Variants in TDRD9 observed in about 807,000 individuals in gnomAD.
TDRD9 encodes tudor domain containing 9, also known as ATP-dependent RNA helicase TDRD9.
TDRD9 carries 124 observed loss-of-function variants against 172.6 expected under a neutral mutation model. The observed-to-expected ratio is 0.72, with a 90% CI of 0.62 to 0.83. TDRD9 has a LOEUF of 0.83. Ranked by LOEUF, TDRD9 falls within the 40% of genes least tolerant of loss-of-function variation. The probability of loss-of-function intolerance (pLI) is 0.00; values close to 1 mark genes in which losing one functional copy is unlikely to be tolerated. For missense variants in TDRD9, 1,479 were observed against 1,714.1 expected, an observed-to-expected ratio of 0.86 and a Z score of 2.42; for synonymous variants, 619 against 617.1, an observed-to-expected ratio of 1.00 and a Z score of -0.05.
At chr14:104,038,371 T>G (rs1458123227) in intron 32 of TDRD9, among the ~76,000 whole-genome samples, 1 of 152,232 alleles carries the variant, frequency 6.6e-6, no homozygotes, top group African/African-American at 2.4e-5. Context: ...CTACTGTGGC[T>G]AAAAACAAGC....
chr14:103,954,777 T>C (rs1195348726), intron 1 of TDRD9, among the ~76,000 whole-genome samples: 1 of 151,858 alleles, frequency 6.6e-6, no homozygotes, highest in Non-Finnish European at 1.5e-5. Flanking sequence ...TACAGGGACC[T>C]GCCACCACAC....
At chr14:103,952,019 C>T (rs78458189) in intron 1 of TDRD9, among the ~76,000 whole-genome samples, 2 of 150,724 alleles carry the variant, frequency 1.3e-5, no homozygotes, top group Non-Finnish European at 3.0e-5. Flanking sequence ...CCGCCCGCCT[C>T]GGCCTCCCAA....
In TDRD9 at chr14:103,995,751, T is replaced by G; in HGVS notation, c.1322T>G (p.Ile441Ser). The G allele has an allele frequency of 6.2e-7, 1 of 1,603,684 alleles. No individual in the cohort carries two copies. Among genetic ancestry groups the G allele is most frequent in the South Asian group, 1.1e-5 (1 of 88,578 alleles). ...GCTTTTTTCTTTGATGTTTAACAGATTATTCTGTCCACCAATATTGCAGAG... is the reference window on the plus strand; with the variant it reads ...GCTTTTTTCTTTGATGTTTAACAGAGTATTCTGTCCACCAATATTGCAGAG... ...FLSPVPGYRK[I>S]ILSTNIAESS... The change falls in exon 12 of 36, where the codon ATT becomes AGT. Residue 441 changes from isoleucine to serine, a missense_variant and splice_region_variant. By Grantham distance (142) the Ile-to-Ser change is moderately radical. Coordinates refer to ENST00000409874, the MANE Select transcript of TDRD9 (RefSeq NM_153046.3).
At chr14:104,005,220 G>A in intron 14 of TDRD9, 54 bp from the exon 15 acceptor site, 6 of 1,592,482 alleles carry the variant, frequency 3.8e-6, no homozygotes, top group Non-Finnish European at 5.2e-6. Context: ...ATGTGAATCG[G>A]CTAACTGATT....
chr14:104,027,816 TTTTG>T (rs1038435159), intron 28 of TDRD9, among the ~76,000 whole-genome samples: 3 of 152,212 alleles, frequency 2.0e-5, no homozygotes, highest in African/African-American at 4.8e-5. Flanking sequence ...CTAGCTGTAA[TTTTG>T]TTTGTTAACC....
chr14:104,044,483 C>G (rs570687716), intron 34 of TDRD9, among the ~76,000 whole-genome samples: 2 of 152,314 alleles, frequency 1.3e-5, no homozygotes, highest in East Asian at 3.9e-4. Flanking sequence ...TGTTCCCACC[C>G]CAGCCCAGGT....
In TDRD9 at chr14:103,998,789, TG is replaced by T; in HGVS notation, c.1483+62del. 3.5e-6 allele frequency: 3 copies of T among 846,594 alleles called. No homozygotes were observed. The South Asian group carries it at 4.6e-5, about 13-fold the overall frequency. The allele number at this position is 846,594 out of a possible 1,614,324, so 52.4% of individuals were successfully genotyped here. A position where few individuals can be genotyped will look rare whatever the true frequency, so the allele number is the denominator to read the frequency against. ...TTGGTGACACAGTGGCACATTCAGG[TG>T]CTTTTTTTTTTTTTTTCTCTGAGAC... On this transcript the variant is annotated intron_variant, in intron 13 of 35. Coordinates refer to ENST00000409874, the MANE Select transcript of TDRD9 (RefSeq NM_153046.3).
At chr14:104,028,420 AT>A (rs1480900279) in intron 28 of TDRD9, among the ~76,000 whole-genome samples, 1 of 152,084 alleles carries the variant, frequency 6.6e-6, no homozygotes, top group Non-Finnish European at 1.5e-5. Context: ...GATGGTTTTG[AT>A]TTGAATTTCC....
chr14:104,015,088 G>C (rs2034746216), intron 21 of TDRD9, among the ~76,000 whole-genome samples: 1 of 152,172 alleles, frequency 6.6e-6, no homozygotes, highest in Non-Finnish European at 1.5e-5. Flanking sequence ...AATGGATTCA[G>C]ACCCATTTCT....
intron 25 of TDRD9, 106 bp downstream of exon 25, chr14:104,024,786 ACACAG>A: frequency 2.3e-6 from 1 of 436,116 alleles, no homozygotes; most frequent in Non-Finnish European, 4.0e-6. Flanking sequence ...ACACACACAC[ACACAG>A]AACTTGTGCA....
chr14:103,969,365 A>G (rs533204070), intron 5 of TDRD9, among the ~76,000 whole-genome samples: 3 of 152,252 alleles, frequency 2.0e-5, no homozygotes, highest in Admixed American at 2.0e-4. Context: ...AGAGACTGCC[A>G]CAAGCTGAGG....
Position 103,976,254 on chromosome 14 carries a change from C to G in TDRD9, c.1011+701C>G, listed in dbSNP as rs150683867. On this transcript the variant is annotated intron_variant, in intron 7 of 35. Transcript: ENST00000409874. ...TAATTGTGTGTATATACTATATTTT[C>G]TTTATCCATTCATCTCTTTTTTTTC... Among the ~76,000 whole-genome samples the G allele has an allele frequency of 1.8e-4, 28 of 151,538 alleles. No individual in the cohort carries two copies. In the East Asian group the frequency reaches 5.4e-3, roughly 29 times the overall value.
At chr14:103,940,163 T>C (rs1308199850) in intron 1 of TDRD9, among the ~76,000 whole-genome samples, 1 of 152,164 alleles carries the variant, frequency 6.6e-6, no homozygotes, top group Non-Finnish European at 1.5e-5. Flanking sequence ...GTGAATGTTT[T>C]TCTTTGAGAG....
chr14:104,040,278 G>A lies in TDRD9; in HGVS notation c.3799G>A (p.Glu1267Lys). Residue 1267 changes from glutamate to lysine, a missense_variant, in exon 33 of 36, where the codon GAG (glutamate) becomes AAG (lysine). Glu to Lys is a moderately conservative substitution (Grantham distance 56). Transcript: ENST00000409874. ...AGCTACAGGGGCTTCCATACTGCCC[G>A]AGCACGACATGGAGCTTGCGTTTGA... is the stretch of plus-strand genomic sequence containing the variant. ...NPATGASILP[E>K]HDMELAFDVQ... 6.4e-7 allele frequency: 1 copy of A among 1,551,632 alleles called. No homozygotes were observed. The highest frequency in any genetic ancestry group is 8.7e-7 in the Non-Finnish European group (1 of 1,146,854).
At chr14:103,967,961 T>C (rs539396071) in intron 5 of TDRD9, among the ~76,000 whole-genome samples, 10 of 152,342 alleles carry the variant, frequency 6.6e-5, no homozygotes, top group Non-Finnish European at 1.0e-4. Flanking sequence ...GGAAGTTCAG[T>C]GCTCAGGCCA....
chr14:104,011,479 A>G (rs1307401021), intron 20 of TDRD9, among the ~76,000 whole-genome samples: 1 of 152,196 alleles, frequency 6.6e-6, no homozygotes, highest in Non-Finnish European at 1.5e-5. Context: ...TATTTCTTAC[A>G]TATTTGATAG....
chr14:104,008,026 G>C (rs557073634), intron 19 of TDRD9, among the ~76,000 whole-genome samples: 2 of 152,202 alleles, frequency 1.3e-5, no homozygotes, highest in Admixed American at 1.3e-4. Context: ...TGATCTGCCC[G>C]CCTCGGCCTC....
chr14:103,983,306 AC>A (rs966699655), intron 7 of TDRD9, among the ~76,000 whole-genome samples: 35 of 151,336 alleles, frequency 2.3e-4, no homozygotes, highest in African/African-American at 7.3e-4. Flanking sequence ...CAAATGATCC[AC>A]CCGGCTCGAC....
intron 32 of TDRD9, among the ~76,000 whole-genome samples, chr14:104,039,436 C>T (rs1010210872): frequency 6.6e-6 from 1 of 152,174 alleles, no homozygotes; most frequent in Non-Finnish European, 1.5e-5. Context: ...GCTTCTAGGT[C>T]CCACTGTAAT....
Sources: gnomAD v4.1 joint callset for allele counts (sites outside exome capture counted in the v4.1 genomes callset) on GRCh38, gnomAD v4.1.1 for gene constraint, MANE v1.5 for transcripts, NCBI Gene and HGNC (gene_info 2026-07-23, HGNC 2026-07-21) for gene names.